The following IQGAP2 variants were observed in gnomAD, a reference collection of about 807,000 sequenced individuals.
IQGAP2 encodes the protein ras GTPase-activating-like protein IQGAP2.
In IQGAP2, 173 loss-of-function variants were observed where a neutral mutation model predicts 201.3. The observed-to-expected ratio is 0.86, with a 90% CI of 0.76 to 0.98. IQGAP2 has a LOEUF of 0.98. Among genes scored for constraint, IQGAP2 ranks in the 50% least tolerant of loss-of-function variants. The pLI is 0.00. For missense variants in IQGAP2, 1,687 were observed against 1,864.8 expected (o/e 0.90, Z 1.76); for synonymous variants, 675 against 673.9 (o/e 1.00, Z -0.03).
chr5:76,422,718 G>A (rs914419871), intron 1 of IQGAP2, among the ~76,000 whole-genome samples: 1 of 152,190 alleles, frequency 6.6e-6, no homozygotes, highest in African/African-American at 2.4e-5. Context: ...AAGAGGACAG[G>A]TCTATGAGAA....
chr5:76,650,469 T>G (rs1426396144), intron 17 of IQGAP2, among the ~76,000 whole-genome samples: 1 of 152,216 alleles, frequency 6.6e-6, no homozygotes, highest in Non-Finnish European at 1.5e-5. Context: ...TAGAAATATA[T>G]AGAATTATTC....
chr5:76,557,649 G>A (rs187531544), intron 2 of IQGAP2, among the ~76,000 whole-genome samples: 4 of 152,152 alleles, frequency 2.6e-5, no homozygotes, highest in Non-Finnish European at 5.9e-5. Context: ...TACTTGCTTT[G>A]TGTAAACAGG....
intron 2 of IQGAP2, among the ~76,000 whole-genome samples, chr5:76,538,962 T>A (rs1021194161): frequency 6.6e-6 from 1 of 152,176 alleles, no homozygotes; most frequent in East Asian, 1.9e-4. Flanking sequence ...TGGTGGGGTG[T>A]CTGCTCAGGT....
chr5:76,480,497 A>G (rs1222941253), intron 2 of IQGAP2, among the ~76,000 whole-genome samples: 2 of 152,166 alleles, frequency 1.3e-5, no homozygotes, highest in Non-Finnish European at 2.9e-5. Context: ...AAATAGTGGT[A>G]ATTTTTCTTC....
chr5:76,695,619 G>A lies in IQGAP2; in HGVS notation c.4159G>A (p.Val1387Met), dbSNP rs542779043. 5.3e-5 allele frequency: 86 copies of A among 1,614,102 alleles called. No individual in the cohort carries two copies. The highest frequency in any genetic ancestry group is 6.3e-5 in the Non-Finnish European group (74 of 1,180,000). Residue 1387 changes from valine to methionine, a missense_variant, in exon 32 of 36, where the codon GTG becomes ATG. Transcript: ENST00000274364. ...NLRTLEQTGH[V>M]SSENKYQDIL... ...TCGGACGTTGGAACAGACTGGACAC[G>A]TGTCATCCGAAAATAAATACCAAGA...
chr5:76,698,230 G>A, intron 33 of IQGAP2, 83 bp downstream of exon 33: 3 of 1,049,466 alleles, frequency 2.9e-6, no homozygotes, highest in South Asian at 3.4e-5. Context: ...CAGTTGGGTT[G>A]GGTATGGAAG....
chr5:76,521,067 A>G (rs1214933376), intron 2 of IQGAP2, among the ~76,000 whole-genome samples: 1 of 151,874 alleles, frequency 6.6e-6, no homozygotes, highest in Non-Finnish European at 1.5e-5. Context: ...TATAGTTTTT[A>G]TCTCTCTTTA....
chr5:76,648,158 G>T (rs1287692977), intron 17 of IQGAP2, among the ~76,000 whole-genome samples: 1 of 152,142 alleles, frequency 6.6e-6, no homozygotes, highest in Non-Finnish European at 1.5e-5. Context: ...ATCAAGAGAG[G>T]TCCAGTAGGT....
intron 4 of IQGAP2, among the ~76,000 whole-genome samples, chr5:76,573,189 A>G (rs1334777429): frequency 6.6e-6 from 1 of 152,224 alleles, no homozygotes; most frequent in Non-Finnish European, 1.5e-5. Flanking sequence ...AGATAATTTC[A>G]TTGGATTTGA....
chr5:76,440,049 G>T (rs1752942676), intron 1 of IQGAP2, among the ~76,000 whole-genome samples: 2 of 152,146 alleles, frequency 1.3e-5, no homozygotes, highest in Non-Finnish European at 2.9e-5. Flanking sequence ...TGGTCTGGTT[G>T]TGACAAACTC....
chr5:76,551,009 G>A lies in IQGAP2; in HGVS notation c.147-11387G>A, dbSNP rs1743444124. Reference sequence around the variant, plus strand: ...CTGCCCCCCACCTCCCTCCCGGACGGGGGTGGCTGGCCGGGCAGAGAGGCT... The same window carrying A: ...CTGCCCCCCACCTCCCTCCCGGACGAGGGTGGCTGGCCGGGCAGAGAGGCT... On this transcript the variant is annotated intron_variant, in intron 2 of 35. Transcript: ENST00000274364. Among the ~76,000 whole-genome samples the A allele has an allele frequency of 1.3e-5, 2 of 151,496 alleles. 1 individual carries two copies. Among genetic ancestry groups the A allele is most frequent in the Non-Finnish European group, 2.9e-5 (2 of 67,864 alleles).
intron 28 of IQGAP2, among the ~76,000 whole-genome samples, chr5:76,682,374 A>G (rs1745379578): frequency 6.6e-6 from 1 of 152,172 alleles, no homozygotes; most frequent in East Asian, 1.9e-4. Context: ...TGTTGTTTCA[A>G]TCTAATTAGA....
intron 13 of IQGAP2, chr5:76,618,499 A>C: frequency 1.2e-6 from 2 of 1,614,202 alleles, no homozygotes; most frequent in African/African-American, 1.3e-5. Flanking sequence ...TCTTCAGGGC[A>C]CTTAATTTTT....
intron 11 of IQGAP2, among the ~76,000 whole-genome samples, chr5:76,603,059 C>A (rs1580570089): frequency 6.6e-6 from 1 of 152,330 alleles, no homozygotes; most frequent in East Asian, 1.9e-4. Flanking sequence ...TTGTTCACAT[C>A]CGAATTAAGA....
At chr5:76,675,161 C>T (rs1246406559) in intron 27 of IQGAP2, among the ~76,000 whole-genome samples, 1 of 152,112 alleles carries the variant, frequency 6.6e-6, no homozygotes, top group Non-Finnish European at 1.5e-5. Flanking sequence ...TTGAACTGCT[C>T]GGGTCTATTT....
chr5:76,629,149 A>T (rs2455226), intron 14 of IQGAP2, among the ~76,000 whole-genome samples: 140,618 of 152,272 alleles, frequency 0.92, 65,178 homozygotes, highest in Middle Eastern at 0.97. Context: ...TGCACATCTA[A>T]AATCCTATCT....
At chr5:76,582,783 A>ACTACT (rs1745962383) in intron 5 of IQGAP2, among the ~76,000 whole-genome samples, 1 of 151,718 alleles carries the variant, frequency 6.6e-6, no homozygotes, top group East Asian at 1.9e-4. Flanking sequence ...AGTAGATAAC[A>ACTACT]ACTACTACTA....
At chr5:76,583,874 A>ATT (rs5868832) in intron 5 of IQGAP2, among the ~76,000 whole-genome samples, 2 of 147,674 alleles carry the variant, frequency 1.4e-5, no homozygotes, top group Non-Finnish European at 1.5e-5. Context: ...GGTAGAGAAA[A>ATT]TTTTTTTTTT....
chr5:76,524,000 A>G (rs1758834969), intron 2 of IQGAP2, among the ~76,000 whole-genome samples: 1 of 152,066 alleles, frequency 6.6e-6, no homozygotes, highest in East Asian at 1.9e-4. Context: ...AGAAATCTTA[A>G]ACTCAAGCAG....
Sources: gnomAD v4.1 joint callset for allele counts (sites outside exome capture counted in the v4.1 genomes callset) on GRCh38, gnomAD v4.1.1 for gene constraint, MANE v1.5 for transcripts, NCBI Gene and HGNC (gene_info 2026-07-23, HGNC 2026-07-21) for gene names.